TTLL11: variants seen among roughly 807,000 people sequenced by gnomAD.
TTLL11 encodes tubulin polyglutamylase TTLL11.
A neutral mutation model predicts 51.7 loss-of-function variants in TTLL11; 42 were observed. The observed-to-expected ratio is 0.81, with a 90% CI of 0.64 to 1.05. The LOEUF (loss-of-function observed/expected upper bound fraction) is 1.05, where lower values mean the gene tolerates loss of function less well. Among genes scored for constraint, TTLL11 ranks in the 50% least tolerant of loss-of-function variants. The pLI, the probability that TTLL11 is intolerant of heterozygous loss-of-function variation, is 0.00. For synonymous variants in TTLL11, 381 were observed against 383.5 expected, an observed-to-expected ratio of 0.99 and a Z score of 0.08; for missense variants, 799 against 940.4, an observed-to-expected ratio of 0.85 and a Z score of 1.97.
At position 121,815,897 on chromosome 9, in the gene TTLL11, A is replaced by G. The variant is rs1440133362; in HGVS notation, c.*6690T>C. On this transcript the variant is annotated 3_prime_UTR_variant, in exon 9 of 9. Transcript: ENST00000321582. ...GGGGCTGGAGCACGTGGGGCCTCTC[A>G]CCAGACCTCCAGGAGCCTCCGCTGT... 6.6e-6 allele frequency: 1 copy of G among 152,200 alleles called. No individual in the cohort carries two copies. Among genetic ancestry groups the G allele is most frequent in the East Asian group, 1.9e-4 (1 of 5,196 alleles). 9.4% of individuals were successfully genotyped at this position (152,200 alleles called of 1,614,324 possible). A position where few individuals can be genotyped will look rare whatever the true frequency, so the allele number is the denominator to read the frequency against.
At chr9:122,041,113 G>C (rs140495959) in intron 1 of TTLL11, among the ~76,000 whole-genome samples, 1 of 151,892 alleles carries the variant, frequency 6.6e-6, no homozygotes, top group African/African-American at 2.4e-5. Flanking sequence ...ATACCAAATT[G>C]CCCCCCCTTT....
At chr9:121,847,127 G>T (rs1431676437) in intron 8 of TTLL11, among the ~76,000 whole-genome samples, 1 of 150,492 alleles carries the variant, frequency 6.6e-6, no homozygotes, top group Non-Finnish European at 1.5e-5. Flanking sequence ...GAAGAATGGC[G>T]TGAACCCGGG....
At chr9:121,886,992 T>C (rs1490609495) in intron 6 of TTLL11, among the ~76,000 whole-genome samples, 2 of 152,044 alleles carry the variant, frequency 1.3e-5, no homozygotes, top group African/African-American at 2.4e-5. Context: ...CCAGCAGAGA[T>C]GTTGGTGTCC....
At chr9:121,944,068 G>A (rs1428876894) in intron 6 of TTLL11, among the ~76,000 whole-genome samples, 1 of 152,182 alleles carries the variant, frequency 6.6e-6, no homozygotes, top group Non-Finnish European at 1.5e-5. Context: ...CATTTTCCTG[G>A]AAGGAAGAAC....
intron 3 of TTLL11, among the ~76,000 whole-genome samples, chr9:122,029,810 CA>C (rs1844473922): frequency 6.6e-6 from 1 of 152,176 alleles, no homozygotes; most frequent in African/African-American, 2.4e-5. Flanking sequence ...CTCACAGACT[CA>C]CCCAGAGCAA....
Position 122,093,285 on chromosome 9 carries a change from A to G in TTLL11, c.-137T>C, listed in dbSNP as rs748138877. Reference sequence around the variant, plus strand: ...CCCGAGCCCGTTGCCATGATCGCTCAGGCTCGGGTTGACAGCGGCAGTCAC... The same window carrying G: ...CCCGAGCCCGTTGCCATGATCGCTCGGGCTCGGGTTGACAGCGGCAGTCAC... On this transcript the variant is annotated 5_prime_UTR_variant, in exon 1 of 9. Coordinates refer to ENST00000321582, the MANE Select transcript of TTLL11 (RefSeq NM_001139442.2). The G allele has an allele frequency of 2.6e-6, 4 of 1,564,944 alleles. No individual in the cohort carries two copies. Among genetic ancestry groups the G allele is most frequent in the Non-Finnish European group, 3.4e-6 (4 of 1,165,558 alleles).
intron 6 of TTLL11, among the ~76,000 whole-genome samples, chr9:121,948,543 C>T (rs1041538988): frequency 7.9e-5 from 12 of 152,168 alleles, no homozygotes; most frequent in East Asian, 1.9e-4. Flanking sequence ...CCCTTCCATA[C>T]GCCCGGCACA....
chr9:121,994,582 G>A lies in TTLL11; in HGVS notation c.694-4812C>T, dbSNP rs1588186315. ...AAAGGCAGGATTTGAACCCAGGCAG[G>A]CAGATTCCAGAGCCCATGCCAGAAT... is the stretch of plus-strand genomic sequence containing the variant. On this transcript the variant is annotated intron_variant, in intron 3 of 8. Coordinates refer to ENST00000321582, the MANE Select transcript of TTLL11 (RefSeq NM_001139442.2). Among the ~76,000 whole-genome samples the A allele has an allele frequency of 3.9e-5, 6 of 152,294 alleles. 1 individual carries two copies. The highest frequency in any genetic ancestry group is 3.9e-4 in the Admixed American group (6 of 15,296).
intron 1 of TTLL11, among the ~76,000 whole-genome samples, chr9:122,073,866 T>G (rs1260082022): frequency 1.3e-5 from 2 of 152,216 alleles, no homozygotes; most frequent in Non-Finnish European, 2.9e-5. Context: ...TATTTGTACA[T>G]ACTTCCAATA....
chr9:121,908,689 T>G (rs777210990), intron 6 of TTLL11, among the ~76,000 whole-genome samples: 1 of 152,232 alleles, frequency 6.6e-6, no homozygotes, highest in Admixed American at 6.5e-5. Flanking sequence ...AGAACAGACA[T>G]GCAGATGTGC....
At chr9:121,985,107 C>G (rs140162478) in intron 4 of TTLL11, among the ~76,000 whole-genome samples, 1 of 152,306 alleles carries the variant, frequency 6.6e-6, no homozygotes, top group Non-Finnish European at 1.5e-5. Flanking sequence ...GGAAAGGGGT[C>G]ACCGTCACAT....
intron 1 of TTLL11, among the ~76,000 whole-genome samples, chr9:122,078,415 G>A (rs543577203): frequency 9.2e-5 from 14 of 152,276 alleles, no homozygotes; most frequent in Admixed American, 3.9e-4. Flanking sequence ...TGAAGGATAC[G>A]TAAAAAGGTA....
intron 4 of TTLL11, among the ~76,000 whole-genome samples, chr9:121,982,717 CAA>C (rs71371907): frequency 4.9e-4 from 48 of 97,394 alleles, no homozygotes; most frequent in South Asian, 7.5e-4. Context: ...AACTCCAACT[CAA>C]AAAAAAAAAA....
rs1415371916 is a variant in TTLL11 at position 121,995,595 on chromosome 9, G to T, written c.694-5825C>A. On this transcript the variant is annotated intron_variant, in intron 3 of 8. Transcript: ENST00000321582. This position sits in a 1 kb window ranked among gnomAD's most constrained non-coding sequence, Gnocchi z 4.4. ...CATTAACAGATTTAGGGACTACAGG[G>T]AGAGGAGCAGGTCTCATTGAAGGAA... 2.0e-5 allele frequency among the ~76,000 whole-genome samples: 3 copies of T among 152,170 alleles called. No individual in the cohort carries two copies. The highest frequency in any genetic ancestry group is 4.4e-5 in the Non-Finnish European group (3 of 68,030).
chr9:121,917,651 A>G (rs1840390352), intron 6 of TTLL11, among the ~76,000 whole-genome samples: 1 of 150,366 alleles, frequency 6.7e-6, no homozygotes, highest in Admixed American at 6.6e-5. Context: ...GAGGGAAGGA[A>G]GGGAAGGAAA....
rs1564298888 is a variant in TTLL11 at position 121,906,348 on chromosome 9, A to ATTT, written c.1482-35601_1482-35600insAAA. On this transcript the variant is annotated intron_variant, in intron 6 of 8. Transcript: ENST00000321582. ...ATCCATTTATGTAATAATTTTTAAA[A>ATTT]AAAAAAAAATCTGTCTTCTCCATGA... 2.4e-3 allele frequency among the ~76,000 whole-genome samples: 88 copies of ATTT among 36,854 alleles called. No individual in the cohort carries two copies. In the East Asian group the frequency reaches 0.084, roughly 35 times the overall value. 24.2% of individuals were successfully genotyped at this position (36,854 alleles called of 152,430 possible).
chr9:122,047,277 G>A (rs761736963), intron 1 of TTLL11, among the ~76,000 whole-genome samples: 11 of 152,202 alleles, frequency 7.2e-5, no homozygotes, highest in Non-Finnish European at 1.5e-4. Flanking sequence ...CCCGAGGATG[G>A]GCAATTTGAG....
intron 7 of TTLL11, among the ~76,000 whole-genome samples, chr9:121,863,664 A>T (rs1838088841): frequency 6.6e-6 from 1 of 152,238 alleles, no homozygotes. Flanking sequence ...CAGGAAATGC[A>T]AATGCCTTAA....
chr9:121,867,872 AG>A (rs1231448091), intron 7 of TTLL11, among the ~76,000 whole-genome samples: 1 of 152,178 alleles, frequency 6.6e-6, no homozygotes, highest in East Asian at 1.9e-4. Flanking sequence ...GAGGGCAGGC[AG>A]GGTCCCATTA....
Sources: gnomAD v4.1 joint callset for allele counts (sites outside exome capture counted in the v4.1 genomes callset) on GRCh38, gnomAD v4.1.1 for gene constraint, Gnocchi (gnomAD v3.1) non-coding constraint, MANE v1.5 for transcripts, NCBI Gene and HGNC (gene_info 2026-07-23, HGNC 2026-07-21) for gene names.